The following DMXL1 variants were observed in gnomAD, a reference collection of about 807,000 sequenced individuals.
DMXL1 encodes dmX-like protein 1.
DMXL1 carries 99 observed loss-of-function variants against 319.2 expected under a neutral mutation model. That is an observed-to-expected ratio of 0.31 (90% CI 0.26 to 0.37). The LOEUF is 0.37. Among genes scored for constraint, DMXL1 ranks in the 10% least tolerant of loss-of-function variants. DMXL1 has a pLI of 1.00. For synonymous variants in DMXL1, 1,385 were observed against 1,235.2 expected (o/e 1.12, Z -2.54); for missense variants, 3,745 against 3,595.6 (o/e 1.04, Z -1.06).
rs539542773 is a variant in DMXL1 at position 119,193,749 on chromosome 5, A to G, written c.7315-79A>G. On this transcript the variant is annotated intron_variant, in intron 29 of 43. Coordinates refer to ENST00000539542, the MANE Select transcript of DMXL1 (RefSeq NM_001290321.3). The stretch of plus-strand genomic sequence containing the variant: ...AATGAAGTATCTGCAAATGAGATGA[A>G]TTATTACTATTAGACTGTATGTTTG... 8.8e-5 allele frequency: 119 copies of G among 1,357,352 alleles called. No homozygotes were observed. The East Asian group carries it at 1.4e-3, about 16-fold the overall frequency. The allele number at this position is 1,357,352 out of a possible 1,614,324, so 84.1% of individuals were successfully genotyped here.
chr5:119,138,323 G>A (rs796735920), intron 13 of DMXL1, among the ~76,000 whole-genome samples: 48 of 152,298 alleles, frequency 3.2e-4, no homozygotes, highest in African/African-American at 9.9e-4. Context: ...TTGAGATGTG[G>A]AAGAATGTAG....
chr5:119,101,702 C>T (rs1391151023), intron 2 of DMXL1, among the ~76,000 whole-genome samples: 1 of 152,134 alleles, frequency 6.6e-6, no homozygotes, highest in Non-Finnish European at 1.5e-5. Context: ...ATATTATGAA[C>T]ACTGTAATGG....
Position 119,146,970 on chromosome 5 carries a change from G to T in DMXL1, c.2689+14G>T, listed in dbSNP as rs1768686120. The T allele has an allele frequency of 1.9e-6, 3 of 1,609,338 alleles. No individual in the cohort carries two copies. Among genetic ancestry groups the T allele is most frequent in the South Asian group, 1.1e-5 (1 of 90,098 alleles). On this transcript the variant is annotated intron_variant, in intron 16 of 43. Transcript: ENST00000539542. ...CTGTCTCATTAGGTGAGTCTTTTGTGTGTGTGTTTGTGCAACTTTAATAGG... is the reference window on the plus strand; with the variant it reads ...CTGTCTCATTAGGTGAGTCTTTTGTTTGTGTGTTTGTGCAACTTTAATAGG...
At chr5:119,146,727 A>G (rs185308675) in intron 15 of DMXL1, 110 bp from the exon 16 acceptor site, 2 of 1,082,168 alleles carry the variant, frequency 1.8e-6, no homozygotes, top group East Asian at 2.6e-5. Flanking sequence ...AGCCTTAGGT[A>G]AAAGTTTTTA....
intron 1 of DMXL1, among the ~76,000 whole-genome samples, chr5:119,087,514 A>G (rs1463538129): frequency 2.6e-5 from 4 of 152,186 alleles, no homozygotes; most frequent in Non-Finnish European, 5.9e-5. Context: ...GTAGTGAGAA[A>G]AGGTACTTGA....
chr5:119,129,500 T>A, intron 10 of DMXL1, 77 bp downstream of exon 10: 1 of 1,009,442 alleles, frequency 9.9e-7, no homozygotes. Context: ...TAAAACTAGC[T>A]ACTTGTAATA....
intron 10 of DMXL1, among the ~76,000 whole-genome samples, chr5:119,132,419 G>A (rs1333382920): frequency 6.6e-6 from 1 of 152,128 alleles, no homozygotes. Flanking sequence ...AGTGGCTCAC[G>A]CCTGTAATGC....
intron 42 of DMXL1, 60 bp from the exon 43 acceptor site, chr5:119,244,299 G>A: frequency 7.3e-7 from 1 of 1,376,698 alleles, no homozygotes; most frequent in South Asian, 1.4e-5. Context: ...TTAGCCAAAA[G>A]CCAGAAGTCT....
intron 28 of DMXL1, among the ~76,000 whole-genome samples, chr5:119,189,030 C>T (rs941851580): frequency 1.3e-5 from 2 of 152,018 alleles, no homozygotes; most frequent in Non-Finnish European, 2.9e-5. Context: ...TTTTGTAACT[C>T]AAGGTTGATT....
chr5:119,111,149 G>C (rs760477314), intron 5 of DMXL1, among the ~76,000 whole-genome samples: 1 of 152,112 alleles, frequency 6.6e-6, no homozygotes, highest in Non-Finnish European at 1.5e-5. Flanking sequence ...AATTAAATTA[G>C]AGTCTTTCAT....
intron 2 of DMXL1, among the ~76,000 whole-genome samples, chr5:119,098,680 C>T (rs918659261): frequency 6.6e-6 from 1 of 152,146 alleles, no homozygotes. Flanking sequence ...GTATAAAATT[C>T]TTCTAGATCA....
intron 7 of DMXL1, among the ~76,000 whole-genome samples, chr5:119,117,968 C>G (rs1487595251): frequency 6.6e-6 from 1 of 152,222 alleles, no homozygotes; most frequent in Non-Finnish European, 1.5e-5. Context: ...CAAGTTACTA[C>G]TACAAAATAT....
intron 32 of DMXL1, among the ~76,000 whole-genome samples, chr5:119,200,117 C>T (rs1780428440): frequency 6.6e-6 from 1 of 151,976 alleles, no homozygotes; most frequent in Non-Finnish European, 1.5e-5. Context: ...GTTGAAATTC[C>T]TTTTGGGGTC....
At chr5:119,102,153 T>C (rs1046682438) in intron 3 of DMXL1, 147 bp downstream of exon 3, 2 of 462,432 alleles carry the variant, frequency 4.3e-6, no homozygotes, top group African/African-American at 4.1e-5. Flanking sequence ...ATGTTAAAAA[T>C]ATATTTAAAT....
intron 5 of DMXL1, among the ~76,000 whole-genome samples, chr5:119,113,601 A>T (rs1238450231): frequency 6.6e-6 from 1 of 151,976 alleles, no homozygotes; most frequent in East Asian, 1.9e-4. Context: ...TACTTTTCCC[A>T]CCTTTTCCTG....
chr5:119,086,505 TTTG>T (rs897862413), intron 1 of DMXL1, among the ~76,000 whole-genome samples: 13 of 152,336 alleles, frequency 8.5e-5, no homozygotes, highest in South Asian at 2.1e-4. Flanking sequence ...CTTGTAGTTT[TTTG>T]TTGTTGTTGT....
intron 39 of DMXL1, chr5:119,236,771 T>C (rs943603171): frequency 1.3e-5 from 2 of 151,990 alleles, no homozygotes; most frequent in African/African-American, 2.4e-5. Flanking sequence ...GGAAAAAATT[T>C]AGCTGTCTTA....
chr5:119,199,869 G>A (rs1160076629), intron 32 of DMXL1, among the ~76,000 whole-genome samples: 12 of 152,200 alleles, frequency 7.9e-5, no homozygotes, highest in African/African-American at 2.2e-4. Flanking sequence ...TGGCACGTAC[G>A]TCTTCTTGTG....
intron 1 of DMXL1, among the ~76,000 whole-genome samples, chr5:119,088,396 T>G (rs907293270): frequency 2.6e-5 from 4 of 152,194 alleles, no homozygotes; most frequent in African/African-American, 9.6e-5. Flanking sequence ...TTTTCTTCAT[T>G]TATTCAGCCA....
Sources: allele counts gnomAD v4.1 joint callset (sites outside exome capture counted in the v4.1 genomes callset), GRCh38; gene constraint gnomAD v4.1.1; transcripts MANE v1.5; gene names NCBI Gene and HGNC (gene_info 2026-07-23, HGNC 2026-07-21).